CNIH3: variants seen among roughly 807,000 people sequenced by gnomAD.
CNIH3 encodes protein cornichon homolog 3.
CNIH3 carries 14 observed loss-of-function variants against 24.1 expected under a neutral mutation model. That is an observed-to-expected ratio of 0.58 (90% CI 0.38 to 0.91). The LOEUF (loss-of-function observed/expected upper bound fraction) is 0.91, where lower values mean the gene tolerates loss of function less well. CNIH3 is among the 40% of genes least tolerant of loss of function. CNIH3 has a pLI of 0.00. For missense variants in CNIH3, 178 were observed against 196.8 expected (o/e 0.90, Z 0.57); for synonymous variants, 68 against 73.8 (o/e 0.92, Z 0.40).
downstream of CNIH3, among the ~76,000 whole-genome samples, chr1:224,542,231 T>C (rs712086): frequency 0.58 from 88,826 of 152,088 alleles, 27,269 homozygotes; most frequent in African/African-American, 0.77. Context: ...CCTTGGCTAC[T>C]TAAATTCCAT....
Position 224,684,911 on chromosome 1 carries a change from G to GCCTCACTA in CNIH3, c.198+68_198+69insCCTCACTA. ...TGGTGGGTGGGCACACAGTGAAAGA[G>GCCTCACTA]GCTAGTGAGGCTCTGCCTGCTCCAG... On this transcript the variant is annotated intron_variant, in intron 3 of 5. Coordinates refer to ENST00000272133, the MANE Select transcript of CNIH3 (RefSeq NM_152495.2). The surrounding 1 kb of genome is among the most constrained non-coding windows in gnomAD (Gnocchi z 4.2). 3 of 1,436,320 alleles carry GCCTCACTA rather than the reference G, an allele frequency of 2.1e-6. No homozygotes were observed. Among genetic ancestry groups the GCCTCACTA allele is most frequent in the African/African-American group, 1.4e-5 (1 of 71,302 alleles). 89.0% of individuals were successfully genotyped at this position (1,436,320 alleles called of 1,614,324 possible). A position where few individuals can be genotyped will look rare whatever the true frequency, so the allele number is the denominator to read the frequency against.
At chr1:224,523,771 A>C (rs775045156) in intron 2 of CNIH3, among the ~76,000 whole-genome samples, 1 of 152,204 alleles carries the variant, frequency 6.6e-6, no homozygotes, top group Non-Finnish European at 1.5e-5. Context: ...GTGAGAGTAC[A>C]AATCAGTGAT....
chr1:224,679,080 G>A (rs760370226), intron 1 of CNIH3, among the ~76,000 whole-genome samples: 3 of 152,032 alleles, frequency 2.0e-5, no homozygotes, highest in Non-Finnish European at 4.4e-5. Flanking sequence ...AGCTTCACAT[G>A]CCACAAAATA....
intron 3 of CNIH3, among the ~76,000 whole-genome samples, chr1:224,701,182 AG>A (rs951293797): frequency 6.9e-6 from 1 of 145,668 alleles, no homozygotes; most frequent in Non-Finnish European, 1.5e-5. Flanking sequence ...AGAGAGTGGA[AG>A]GGGGGCTCGG....
At chr1:224,712,487 C>T (rs1430382328) in intron 3 of CNIH3, among the ~76,000 whole-genome samples, 2 of 152,130 alleles carry the variant, frequency 1.3e-5, no homozygotes, top group Non-Finnish European at 2.9e-5. Flanking sequence ...GGATATCTGG[C>T]TCTCAGCAAT....
At position 224,674,272 on chromosome 1, in the gene CNIH3, GTTTTTTTTTTTTTTTTTTTT is replaced by G. The variant is rs71170028; in HGVS notation, c.82-6670_82-6651del. Among the ~76,000 whole-genome samples the G allele has an allele frequency of 2.4e-4, 17 of 72,076 alleles. 1 individual carries two copies. Among genetic ancestry groups the G allele is most frequent in the South Asian group, 5.8e-4 (1 of 1,738 alleles). 47.3% of individuals were successfully genotyped at this position (72,076 alleles called of 152,430 possible). A position where few individuals can be genotyped will look rare whatever the true frequency, so the allele number is the denominator to read the frequency against. ...AATCGTTTCTTCATCTTCCAGGAAG[GTTTTTTTTTTTTTTTTTTTT>G]TTTTTTTTTTTTTTTGCCATAGTAC... On this transcript the variant is annotated intron_variant, in intron 1 of 5. Coordinates refer to ENST00000272133, the MANE Select transcript of CNIH3 (RefSeq NM_152495.2).
intron 5 of CNIH3, among the ~76,000 whole-genome samples, chr1:224,737,690 G>A (rs1689664575): frequency 6.6e-6 from 1 of 152,200 alleles, no homozygotes; most frequent in Non-Finnish European, 1.5e-5. Context: ...ATAGTTTATA[G>A]TTTGAGCTCC....
chr1:224,455,143 A>G (rs1025573760), intron 1 of CNIH3, among the ~76,000 whole-genome samples: 1 of 152,246 alleles, frequency 6.6e-6, no homozygotes, highest in Non-Finnish European at 1.5e-5. Flanking sequence ...AGCCTATTAT[A>G]TAATAATGTC....
intron 1 of CNIH3, among the ~76,000 whole-genome samples, chr1:224,648,610 G>A (rs1031527686): frequency 6.6e-6 from 1 of 152,096 alleles, no homozygotes; most frequent in African/African-American, 2.4e-5. Flanking sequence ...GTTTGGGCTT[G>A]GGGAGTTTGC....
chr1:224,495,333 CA>C (rs768134338), intron 1 of CNIH3, among the ~76,000 whole-genome samples: 1 of 152,206 alleles, frequency 6.6e-6, no homozygotes, highest in African/African-American at 2.4e-5. Flanking sequence ...TGAGTTTTGT[CA>C]ATCCAATATG....
chr1:224,438,791 A>G (rs1674774603), intron 1 of CNIH3, among the ~76,000 whole-genome samples: 2 of 152,198 alleles, frequency 1.3e-5, no homozygotes, highest in East Asian at 1.9e-4. Flanking sequence ...CCCCTCAGGC[A>G]TGTCATGTTT....
chr1:224,494,144 T>A (rs1253710604), intron 1 of CNIH3, among the ~76,000 whole-genome samples: 1 of 152,236 alleles, frequency 6.6e-6, no homozygotes, highest in Non-Finnish European at 1.5e-5. Context: ...TGTGGTAATA[T>A]AATTTCTGAA....
chr1:224,580,356 T>C (rs1681219697), intron 4 of CNIH3, among the ~76,000 whole-genome samples: 1 of 152,088 alleles, frequency 6.6e-6, no homozygotes, highest in South Asian at 2.1e-4. Flanking sequence ...CCTCCACCAA[T>C]GTAGAGGTTT....
chr1:224,487,701 T>C (rs1379692092), intron 1 of CNIH3, among the ~76,000 whole-genome samples: 3 of 152,216 alleles, frequency 2.0e-5, no homozygotes, highest in Non-Finnish European at 4.4e-5. Flanking sequence ...AAAAGCGCTA[T>C]TTGAAGCGGT....
At chr1:224,555,831 G>T (rs553724714) in intron 3 of CNIH3, among the ~76,000 whole-genome samples, 2 of 152,070 alleles carry the variant, frequency 1.3e-5, no homozygotes, top group Non-Finnish European at 2.9e-5. Flanking sequence ...TGTAGGTTCC[G>T]CACTGCGGCT....
At chr1:224,514,189 A>G (rs2124900307), upstream of CNIH3, among the ~76,000 whole-genome samples, 1 of 152,318 alleles carries the variant, frequency 6.6e-6, no homozygotes, top group South Asian at 2.1e-4. Flanking sequence ...GGGGCCAGAG[A>G]CCAAGAGGTA....
intron 1 of CNIH3, among the ~76,000 whole-genome samples, chr1:224,452,204 C>T (rs1305088324): frequency 4.1e-5 from 6 of 147,466 alleles, no homozygotes; most frequent in Admixed American, 2.1e-4. Flanking sequence ...GGCTGGTGTG[C>T]GGTGGCGCGA....
intron 1 of CNIH3, among the ~76,000 whole-genome samples, chr1:224,675,538 C>T (rs1433746236): frequency 6.6e-6 from 1 of 152,186 alleles, no homozygotes; most frequent in African/African-American, 2.4e-5. Context: ...TGACAAGCCA[C>T]AGCATAGAAG....
chr1:224,535,455 G>A (rs1679245944), intron 2 of CNIH3, among the ~76,000 whole-genome samples: 1 of 152,232 alleles, frequency 6.6e-6, no homozygotes, highest in Admixed American at 6.5e-5. Flanking sequence ...GTTTGTTACA[G>A]CATCACTGAG....
Sources: allele counts gnomAD v4.1 joint callset (sites outside exome capture counted in the v4.1 genomes callset), GRCh38; gene constraint gnomAD v4.1.1; non-coding constraint Gnocchi (gnomAD v3.1); transcripts MANE v1.5; gene names NCBI Gene and HGNC (gene_info 2026-07-23, HGNC 2026-07-21).